The following RYR2 variants were observed in gnomAD, a reference collection of about 807,000 sequenced individuals.
RYR2 encodes the protein cardiac muscle ryanodine receptor-calcium release channel.
Under a neutral mutation model 601.1 loss-of-function variants are expected in RYR2, and 227 were observed. The ratio of observed to expected loss-of-function variants is 0.38; its 90% CI spans 0.34 to 0.42. The LOEUF (loss-of-function observed/expected upper bound fraction) is 0.42, where lower values mean the gene tolerates loss of function less well. RYR2 is among the 10% of genes least tolerant of loss of function. The pLI, the probability that RYR2 is intolerant of heterozygous loss-of-function variation, is 1.00. For missense variants in RYR2, 4,646 were observed against 6,156.5 expected, an observed-to-expected ratio of 0.75 and a Z score of 8.21; for synonymous variants, 2,223 against 2,175.1, an observed-to-expected ratio of 1.02 and a Z score of -0.61.
intron 24 of RYR2, among the ~76,000 whole-genome samples, chr1:237,521,846 C>G (rs1381222863): frequency 6.6e-6 from 1 of 152,152 alleles, no homozygotes; most frequent in Non-Finnish European, 1.5e-5. Flanking sequence ...TCCCCTCTCA[C>G]CAGCCTCATT....
intron 1 of RYR2, among the ~76,000 whole-genome samples, chr1:237,047,434 T>C (rs1660734992): frequency 6.9e-6 from 1 of 145,700 alleles, no homozygotes; most frequent in African/African-American, 2.5e-5. Context: ...CTCCTTCTGG[T>C]TTATCTTGAA....
In RYR2 at chr1:237,819,858, A is replaced by C. The variant is rs946677194; in HGVS notation, c.14590+666A>C. Among the ~76,000 whole-genome samples the C allele has an allele frequency of 2.7e-5, 4 of 150,082 alleles. No individual in the cohort carries two copies. Among genetic ancestry groups the C allele is most frequent in the Admixed American group, 1.3e-4 (2 of 15,120 alleles). On this transcript the variant is annotated intron_variant, in intron 101 of 104. Transcript: ENST00000366574. This position sits in a 1 kb window ranked among gnomAD's most constrained non-coding sequence, Gnocchi z 4.0. ...AACCCAACAACAACAACAACAACAAAAACTTCTAAGCCCTGTGGTTGTTGA... is the reference window on the plus strand; with the variant it reads ...AACCCAACAACAACAACAACAACAACAACTTCTAAGCCCTGTGGTTGTTGA...
At chr1:237,797,398 G>GGATACTCAGGGGAGTGGGTTAGAA (rs1659384105) in intron 96 of RYR2, among the ~76,000 whole-genome samples, 1 of 152,142 alleles carries the variant, frequency 6.6e-6, no homozygotes, top group South Asian at 2.1e-4. Flanking sequence ...GCTGGGGTCA[G>GGATACTCAGGGGAGTGGGTTAGAA]GATACTCAGG....
intron 29 of RYR2, among the ~76,000 whole-genome samples, chr1:237,580,448 C>T (rs1244800212): frequency 4.2e-5 from 6 of 143,034 alleles, no homozygotes; most frequent in Non-Finnish European, 7.6e-5. Flanking sequence ...TGAGCCACTG[C>T]GCCAGGCCCC....
At chr1:237,639,622 A>G (rs1285151782) in intron 46 of RYR2, among the ~76,000 whole-genome samples, 1 of 152,218 alleles carries the variant, frequency 6.6e-6, no homozygotes, top group Non-Finnish European at 1.5e-5. Context: ...TTATGGTGGT[A>G]AAACCTAGAA....
chr1:237,427,782 CAAAAAAAAAAAAAAA>C (rs57614793), intron 12 of RYR2, among the ~76,000 whole-genome samples: 6 of 56,192 alleles, frequency 1.1e-4, no homozygotes, highest in Non-Finnish European at 1.9e-4. Flanking sequence ...GACTCTGCCT[CAAAAAAAAAAAAAAA>C]AAAAAAAAAA....
At chr1:237,372,661 A>G (rs1383546759) in intron 6 of RYR2, among the ~76,000 whole-genome samples, 1 of 152,240 alleles carries the variant, frequency 6.6e-6, no homozygotes, top group South Asian at 2.1e-4. Flanking sequence ...GAACTGCATG[A>G]GCTAATAAAT....
intron 91 of RYR2, among the ~76,000 whole-genome samples, chr1:237,787,404 A>G (rs143072210): frequency 0.053 from 8,115 of 152,050 alleles, 247 homozygotes; most frequent in Non-Finnish European, 0.066. Flanking sequence ...CCTGGCCAAC[A>G]TGGCGAAACC....
At chr1:237,734,172 A>G (rs1690932559) in intron 79 of RYR2, among the ~76,000 whole-genome samples, 1 of 152,204 alleles carries the variant, frequency 6.6e-6, no homozygotes, top group South Asian at 2.1e-4. Context: ...ACCTGAGACT[A>G]GGTAATCTAT....
chr1:237,723,283 A>T, intron 74 of RYR2, 21 bp downstream of exon 74: 2 of 1,597,466 alleles, frequency 1.3e-6, no homozygotes, highest in East Asian at 2.2e-5. Flanking sequence ...GTGTCAATTC[A>T]ATCATATTTG....
chr1:237,224,600 A>G (rs1684157997), intron 1 of RYR2, among the ~76,000 whole-genome samples: 3 of 152,308 alleles, frequency 2.0e-5, no homozygotes, highest in South Asian at 4.1e-4. Context: ...GCTCATACCT[A>G]TAATCTCAGT....
chr1:237,709,032 T>C lies in RYR2; in HGVS notation c.10076T>C (p.Phe3359Ser). ...GCAGAACTCCTCATCCTAGATGAGT[T>C]CACCACACTGGCCAGAGATCTCTAT... ...SEAELLILDEFTTLARDLYAF... is the reference protein window; with the variant it reads ...SEAELLILDESTTLARDLYAF... The change falls in exon 69 of 105, where the codon TTC (phenylalanine) becomes TCC (serine). Residue 3359 changes from phenylalanine to serine, a missense_variant. By Grantham distance (155) the Phe-to-Ser change is radical. This residue lies in a region of RYR2 where 1,497 missense variants were observed against 1,842.6 expected (regional missense o/e 0.81). Coordinates refer to ENST00000366574, the MANE Select transcript of RYR2 (RefSeq NM_001035.3). The C allele has an allele frequency of 6.2e-7, 1 of 1,612,578 alleles. No individual in the cohort carries two copies. Among genetic ancestry groups the C allele is most frequent in the Non-Finnish European group, 8.5e-7 (1 of 1,178,750 alleles).
chr1:237,133,331 T>C (rs1672361540), intron 1 of RYR2, among the ~76,000 whole-genome samples: 1 of 152,164 alleles, frequency 6.6e-6, no homozygotes, highest in Non-Finnish European at 1.5e-5. Flanking sequence ...TGTGATAATC[T>C]GTGTGATTTA....
intron 87 of RYR2, 97 bp downstream of exon 87, chr1:237,773,745 C>A: frequency 1.1e-6 from 1 of 931,364 alleles, no homozygotes; most frequent in Non-Finnish European, 1.6e-6. Context: ...TGACCCCTTT[C>A]TGAGTTTCTT....
chr1:237,407,609 GTTTT>G lies in RYR2; in HGVS notation c.774-9423_774-9420del, dbSNP rs35247530. Among the ~76,000 whole-genome samples, 599 of 118,828 alleles carry G rather than the reference GTTTT, an allele frequency of 5.0e-3. 1 individual carries two copies. The highest frequency in any genetic ancestry group is 0.01 in the South Asian group (41 of 3,920). The allele number at this position is 118,828 out of a possible 152,430, so 78.0% of individuals were successfully genotyped here. ...TTCTGGTGATTTTTAAATTGTGGTTGTTTTTTTTTTTTTTTTTTTTAAATTGAGA... is the reference window on the plus strand; with the variant it reads ...TTCTGGTGATTTTTAAATTGTGGTTGTTTTTTTTTTTTTTTTAAATTGAGA... On this transcript the variant is annotated intron_variant, in intron 10 of 104. Transcript: ENST00000366574.
chr1:237,493,218 G>A, intron 19 of RYR2, 131 bp downstream of exon 19: 2 of 1,006,840 alleles, frequency 2.0e-6, no homozygotes, highest in South Asian at 1.6e-5. Flanking sequence ...TATTTTTGCA[G>A]TGAATAATAT....
rs529399382 is a variant in RYR2 at position 237,749,939 on chromosome 1, A to C, written c.11146-6349A>C. Reference sequence around the variant, plus strand: ...GGTGGGTGGATCACCTGAGGTCAGGAGTTCAAGACCAGCCCAGGCAACATG... The same window carrying C: ...GGTGGGTGGATCACCTGAGGTCAGGCGTTCAAGACCAGCCCAGGCAACATG... On this transcript the variant is annotated intron_variant, in intron 80 of 104. Coordinates refer to ENST00000366574, the MANE Select transcript of RYR2 (RefSeq NM_001035.3). Among the ~76,000 whole-genome samples, 3 of 152,286 alleles carry C rather than the reference A, an allele frequency of 2.0e-5. No homozygotes were observed. The East Asian group carries it at 5.8e-4, about 29-fold the overall frequency.
chr1:237,377,403 A>G lies in RYR2; in HGVS notation c.544A>G (p.Ile182Val), dbSNP rs2149792958. Residue 182 changes from isoleucine (I) to valine (V), a missense_variant, in exon 8 of 105, where the codon ATC becomes GTC. Around this residue, in one of 17 missense-constraint regions of RYR2, gnomAD observed 87 missense variants for 144.7 expected, o/e 0.60. Coordinates refer to ENST00000366574, the MANE Select transcript of RYR2 (RefSeq NM_001035.3). ...AAAAGTACGAGTTGGAGATGACCTC[A>G]TCTTAGTTAGCGTGTCCTCTGAAAG... ...GEKVRVGDDL[I>V]LVSVSSERYL... The G allele has an allele frequency of 6.2e-7, 1 of 1,613,706 alleles. No individual in the cohort carries two copies. The highest frequency in any genetic ancestry group is 1.7e-5 in the Admixed American group (1 of 60,002).
At chr1:237,388,626 TG>T (rs1466709042) in intron 10 of RYR2, among the ~76,000 whole-genome samples, 1 of 152,226 alleles carries the variant, frequency 6.6e-6, no homozygotes, top group Non-Finnish European at 1.5e-5. Flanking sequence ...ATGATAGAAT[TG>T]ATCACTTTCT....
Sources: allele counts gnomAD v4.1 joint callset (sites outside exome capture counted in the v4.1 genomes callset), GRCh38; gene constraint gnomAD v4.1.1; regional missense constraint gnomAD v4.1.1; non-coding constraint Gnocchi (gnomAD v3.1); transcripts MANE v1.5; gene names NCBI Gene and HGNC (gene_info 2026-07-23, HGNC 2026-07-21).